TAFA1: variants seen among roughly 807,000 people sequenced by gnomAD.
TAFA1 encodes the protein TAFA chemokine like family member 1.
A neutral mutation model predicts 18.5 loss-of-function variants in TAFA1; 4 were observed. That is an observed-to-expected ratio of 0.22 (90% CI 0.11 to 0.49). The LOEUF is 0.49. TAFA1 is among the 20% of genes least tolerant of loss of function. TAFA1 has a pLI of 0.98. For missense variants in TAFA1, 147 were observed against 169.0 expected (o/e 0.87, Z 0.72); for synonymous variants, 56 against 55.2 (o/e 1.01, Z -0.06).
chr3:68,157,558 C>A (rs1468706046), intron 2 of TAFA1, among the ~76,000 whole-genome samples: 1 of 152,178 alleles, frequency 6.6e-6, no homozygotes, highest in Non-Finnish European at 1.5e-5. Flanking sequence ...ATAGAAAAGA[C>A]TAAGAAATCT....
chr3:68,532,435 G>A (rs1019801908), intron 3 of TAFA1, among the ~76,000 whole-genome samples: 1 of 151,876 alleles, frequency 6.6e-6, no homozygotes, highest in Non-Finnish European at 1.5e-5. Context: ...TTTTTCGGAG[G>A]GGGGATGGAG....
intron 3 of TAFA1, among the ~76,000 whole-genome samples, chr3:68,473,720 C>A (rs553743742): frequency 6.6e-6 from 1 of 152,296 alleles, no homozygotes; most frequent in African/African-American, 2.4e-5. Context: ...AAATGTTTTT[C>A]CAAGTCTTGA....
At chr3:68,515,347 G>C (rs879730567) in intron 3 of TAFA1, among the ~76,000 whole-genome samples, 4 of 152,192 alleles carry the variant, frequency 2.6e-5, no homozygotes, top group Admixed American at 2.6e-4. Flanking sequence ...AGGAATCATA[G>C]TTCTCAAGGA....
At chr3:68,456,428 C>CA (rs1042705728) in intron 3 of TAFA1, among the ~76,000 whole-genome samples, 9 of 152,136 alleles carry the variant, frequency 5.9e-5, no homozygotes, top group Admixed American at 1.3e-4. Context: ...TCTTTCTCCT[C>CA]AAAAATTTGT....
chr3:68,012,163 G>A (rs932965086), intron 2 of TAFA1, among the ~76,000 whole-genome samples: 2 of 152,112 alleles, frequency 1.3e-5, no homozygotes, highest in Admixed American at 6.5e-5. Context: ...GGATAAATCG[G>A]CATGCCATTT....
intron 2 of TAFA1, among the ~76,000 whole-genome samples, chr3:68,335,859 C>T (rs1352489264): frequency 6.6e-6 from 1 of 152,154 alleles, no homozygotes; most frequent in Non-Finnish European, 1.5e-5. Flanking sequence ...AGAAGATTTA[C>T]TTATGGAAAA....
intron 2 of TAFA1, among the ~76,000 whole-genome samples, chr3:68,127,575 G>GTGTAATGA (rs2065478761): frequency 6.6e-6 from 1 of 151,920 alleles, no homozygotes; most frequent in Non-Finnish European, 1.5e-5. Context: ...GATGGTAGTG[G>GTGTAATGA]TGGTAGTGAT....
chr3:68,382,174 G>A (rs1046773411), intron 2 of TAFA1, among the ~76,000 whole-genome samples: 27 of 152,046 alleles, frequency 1.8e-4, no homozygotes, highest in South Asian at 6.2e-4. Flanking sequence ...TGCTGGATTC[G>A]GTTTGCCAGT....
At chr3:68,537,360 A>T (rs962971120) in intron 3 of TAFA1, among the ~76,000 whole-genome samples, 1 of 152,228 alleles carries the variant, frequency 6.6e-6, no homozygotes, top group Non-Finnish European at 1.5e-5. Context: ...ATAAAAACTT[A>T]CATACTATCT....
intron 2 of TAFA1, among the ~76,000 whole-genome samples, chr3:68,218,580 A>C (rs1026659823): frequency 6.6e-6 from 1 of 152,128 alleles, no homozygotes; most frequent in African/African-American, 2.4e-5. Context: ...CCAGTCTATG[A>C]AAGTTAATAC....
chr3:68,430,954 G>A (rs748597223), intron 3 of TAFA1, among the ~76,000 whole-genome samples: 4 of 151,998 alleles, frequency 2.6e-5, no homozygotes, highest in African/African-American at 9.6e-5. Flanking sequence ...CTGGGTAAAC[G>A]GCTTCTCATT....
intron 2 of TAFA1, among the ~76,000 whole-genome samples, chr3:68,310,103 G>C (rs1199385950): frequency 1.3e-5 from 2 of 152,076 alleles, no homozygotes; most frequent in East Asian, 3.8e-4. Flanking sequence ...TAATATAGTA[G>C]AATATGTAAA....
intron 2 of TAFA1, among the ~76,000 whole-genome samples, chr3:68,141,673 G>T (rs1309683050): frequency 6.6e-6 from 1 of 152,164 alleles, no homozygotes; most frequent in African/African-American, 2.4e-5. Context: ...TGTAGGCTTG[G>T]AGCTCCTCAG....
At chr3:68,365,807 G>C (rs1402567731) in intron 2 of TAFA1, among the ~76,000 whole-genome samples, 4 of 152,126 alleles carry the variant, frequency 2.6e-5, no homozygotes, top group Non-Finnish European at 4.4e-5. Context: ...CATCAGATCA[G>C]CCAGGTGTGG....
intron 2 of TAFA1, among the ~76,000 whole-genome samples, chr3:68,393,554 A>C (rs186293630): frequency 6.6e-6 from 1 of 152,210 alleles, no homozygotes; most frequent in African/African-American, 2.4e-5. Flanking sequence ...GCAGAGACAC[A>C]ATGAAAAAAA....
At chr3:68,523,519 A>G (rs2073059289) in intron 3 of TAFA1, among the ~76,000 whole-genome samples, 1 of 152,214 alleles carries the variant, frequency 6.6e-6, no homozygotes, top group African/African-American at 2.4e-5. Context: ...TCAAGAAGCC[A>G]TGAAAAAATG....
At chr3:68,144,147 A>G (rs1482963815) in intron 2 of TAFA1, among the ~76,000 whole-genome samples, 1 of 152,196 alleles carries the variant, frequency 6.6e-6, no homozygotes, top group Non-Finnish European at 1.5e-5. Flanking sequence ...ATTTGTTAGT[A>G]TCGAGCATCT....
At chr3:68,298,782 G>A (rs529617484) in intron 2 of TAFA1, among the ~76,000 whole-genome samples, 2 of 152,172 alleles carry the variant, frequency 1.3e-5, no homozygotes, top group Non-Finnish European at 2.9e-5. Context: ...GTTTCCTGAA[G>A]CCTCCCCAGC....
intron 2 of TAFA1, among the ~76,000 whole-genome samples, chr3:68,178,070 G>A (rs111562581): frequency 6.6e-6 from 1 of 152,072 alleles, no homozygotes; most frequent in Non-Finnish European, 1.5e-5. Flanking sequence ...CGTGAACCTG[G>A]GAGGCGGAGC....
Sources: allele counts gnomAD v4.1 joint callset (sites outside exome capture counted in the v4.1 genomes callset), GRCh38; gene constraint gnomAD v4.1.1; transcripts MANE v1.5; gene names NCBI Gene and HGNC (gene_info 2026-07-23, HGNC 2026-07-21).